ZNF26: variants seen among roughly 807,000 people sequenced by gnomAD.
ZNF26 encodes zinc finger protein 26.
In ZNF26, 32 loss-of-function variants were observed where a neutral mutation model predicts 54.9. The ratio of observed to expected loss-of-function variants is 0.58; its 90% CI spans 0.44 to 0.78. The LOEUF (loss-of-function observed/expected upper bound fraction) is 0.78. Ranked by LOEUF, ZNF26 falls within the 30% of genes least tolerant of loss-of-function variation. The pLI is 0.00. For missense variants in ZNF26, 524 were observed against 634.0 expected (o/e 0.83, Z 1.86); for synonymous variants, 221 against 209.2 (o/e 1.06, Z -0.49).
At chr12:132,999,348 C>T (rs376491844) in intron 1 of ZNF26, among the ~76,000 whole-genome samples, 5 of 152,114 alleles carry the variant, frequency 3.3e-5, no homozygotes, top group African/African-American at 1.2e-4. Flanking sequence ...CTCCGCCTCC[C>T]GGGTTCAAGT....
chr12:132,987,924 C>T (rs1952859611), intron 1 of ZNF26, among the ~76,000 whole-genome samples: 1 of 152,218 alleles, frequency 6.6e-6, no homozygotes, highest in Non-Finnish European at 1.5e-5. Context: ...TATTTCTGGG[C>T]TCTTTATTGA....
At position 133,016,424 on chromosome 12, in the gene ZNF26, T is replaced by TA. The variant is rs1953567575; in HGVS notation, c.*4945dup. ...TTTAGCTACTTTTTTTTTTTTTTTT[T>TA]AACTATTTTAAGAGCATCACAGTAA... On this transcript the variant is annotated 3_prime_UTR_variant, in exon 4 of 4. Transcript: ENST00000328654. The TA allele has an allele frequency of 1.3e-5, 2 of 150,006 alleles. No individual in the cohort carries two copies. Among genetic ancestry groups the TA allele is most frequent in the African/African-American group, 2.5e-5 (1 of 40,692 alleles). The allele number at this position is 150,006 out of a possible 1,614,324, so 9.3% of individuals were successfully genotyped here.
At position 133,026,749 on chromosome 12, in the gene ZNF26, ACTC is replaced by A. The variant is rs1228495795; in HGVS notation, c.*15271_*15273del. 1 of 151,158 alleles carries A rather than the reference ACTC, an allele frequency of 6.6e-6. No individual in the cohort carries two copies. The highest frequency in any genetic ancestry group is 1.5e-5 in the Non-Finnish European group (1 of 67,862). The allele number at this position is 151,158 out of a possible 1,614,324, so 9.4% of individuals were successfully genotyped here. On this transcript the variant is annotated 3_prime_UTR_variant, in exon 4 of 4. Transcript: ENST00000328654. ...ACCATGTTGACTAGGCTGGTCTCGAACTCCTGACCTCAGGTGATCTGCCCGCCT... is the reference window on the plus strand; with the variant it reads ...ACCATGTTGACTAGGCTGGTCTCGAACTGACCTCAGGTGATCTGCCCGCCT...
chr12:133,023,659 C>T lies in ZNF26; in HGVS notation c.*12178C>T, dbSNP rs1277635682. 1.3e-5 allele frequency: 2 copies of T among 152,226 alleles called. No individual in the cohort carries two copies. The highest frequency in any genetic ancestry group is 4.8e-5 in the African/African-American group (2 of 41,470). The allele number at this position is 152,226 out of a possible 1,614,324, so 9.4% of individuals were successfully genotyped here. On this transcript the variant is annotated 3_prime_UTR_variant, in exon 4 of 4. Transcript: ENST00000328654. The stretch of plus-strand genomic sequence containing the variant: ...AGTGGGCTATGACAGTAGCTTCCAT[C>T]TCATCTCCTCTTCTACAGTGTGATC...
intron 1 of ZNF26, among the ~76,000 whole-genome samples, chr12:132,988,777 A>G (rs1437506911): frequency 7.2e-5 from 11 of 152,052 alleles, no homozygotes; most frequent in African/African-American, 2.2e-4. Flanking sequence ...ATATCTCTCT[A>G]TCTAGTTCTT....
chr12:132,998,365 C>T (rs1442638130), intron 1 of ZNF26, among the ~76,000 whole-genome samples: 1 of 152,090 alleles, frequency 6.6e-6, no homozygotes, highest in African/African-American at 2.4e-5. Context: ...TAGGGTTTCA[C>T]CATGTTGGTC....
rs1444183820 is a variant in ZNF26 at position 133,026,619 on chromosome 12, A to G, written c.*15138A>G. 2 of 146,620 alleles carry G rather than the reference A, an allele frequency of 1.4e-5. No individual in the cohort carries two copies. Among genetic ancestry groups the G allele is most frequent in the African/African-American group, 5.2e-5 (2 of 38,596 alleles). The allele number at this position is 146,620 out of a possible 1,614,324, so 9.1% of individuals were successfully genotyped here. On this transcript the variant is annotated 3_prime_UTR_variant, in exon 4 of 4. Coordinates refer to ENST00000328654, the MANE Select transcript of ZNF26 (RefSeq NM_019591.4). Reference sequence around the variant, plus strand: ...TCAGCTCATGGCAACCTCCGCCTCCAAGGTTCAAGTGATTATCATGCCTCA... The same window carrying G: ...TCAGCTCATGGCAACCTCCGCCTCCGAGGTTCAAGTGATTATCATGCCTCA...
At position 133,022,641 on chromosome 12, in the gene ZNF26, A is replaced by G. The variant is rs1953659073; in HGVS notation, c.*11160A>G. On this transcript the variant is annotated 3_prime_UTR_variant, in exon 4 of 4. Transcript: ENST00000328654. ...GTATACTCTAGGTGAAACTATCTCA[A>G]TACAAATTTAATTAAAACAAAATAA... 1 of 151,938 alleles carries G rather than the reference A, an allele frequency of 6.6e-6. No homozygotes were observed. The highest frequency in any genetic ancestry group is 1.5e-5 in the Non-Finnish European group (1 of 68,040). The allele number at this position is 151,938 out of a possible 1,614,324, so 9.4% of individuals were successfully genotyped here. A position where few individuals can be genotyped will look rare whatever the true frequency, so the allele number is the denominator to read the frequency against.
chr12:133,007,484 GA>G lies in ZNF26; in HGVS notation c.210del (p.Asp71IlefsTer4). 6.2e-7 allele frequency: 1 copy of G among 1,613,996 alleles called. No homozygotes were observed. Among genetic ancestry groups the G allele is most frequent in the Non-Finnish European group, 8.5e-7 (1 of 1,179,942 alleles). ...CTTAATCTTCAAGTTGGAACAAGGA[GA>G]AGATCCATGGATAATAAATGCCAAA... ...PDLIFKLEQG[E>X]DPWIINAKIS... On this transcript the variant is annotated frameshift_variant, in exon 3 of 4. Transcript: ENST00000328654. LOFTEE classifies it high-confidence loss of function.
intron 1 of ZNF26, chr12:132,987,864 T>A: frequency 3.2e-6 from 1 of 316,860 alleles, no homozygotes; most frequent in Admixed American, 6.5e-5. Context: ...TTTCTCCCCC[T>A]GTGAGTTTGT....
chr12:132,990,023 TC>T (rs1952913177), intron 1 of ZNF26, among the ~76,000 whole-genome samples: 1 of 152,142 alleles, frequency 6.6e-6, no homozygotes, highest in African/African-American at 2.4e-5. Flanking sequence ...CAGATGTGGC[TC>T]ACACCTGTAA....
intron 1 of ZNF26, among the ~76,000 whole-genome samples, chr12:132,991,630 C>CAA (rs1296804934): frequency 2.9e-5 from 2 of 68,132 alleles, no homozygotes; most frequent in African/African-American, 6.5e-5. Flanking sequence ...ACAACAACAA[C>CAA]AAAAAAAAAA....
intron 1 of ZNF26, among the ~76,000 whole-genome samples, chr12:132,989,226 AT>A (rs1952895477): frequency 1.3e-5 from 2 of 151,918 alleles, no homozygotes; most frequent in African/African-American, 4.8e-5. Context: ...TTTAGTAGAA[AT>A]GGAGTTTCAC....
At position 133,010,591 on chromosome 12, in the gene ZNF26, GTCT is replaced by G; in HGVS notation, c.716_718del (p.Phe239del). ...CTACTCATGTAGTGAGTGCGAGAAG[GTCT>G]TCTCTTTCAGGTCACAGCTCATTGT... On this transcript the variant is annotated inframe_deletion, in exon 4 of 4. Coordinates refer to ENST00000328654, the MANE Select transcript of ZNF26 (RefSeq NM_019591.4). 6.2e-7 allele frequency: 1 copy of G among 1,614,152 alleles called. No homozygotes were observed. The highest frequency in any genetic ancestry group is 8.5e-7 in the Non-Finnish European group (1 of 1,180,036).
Position 133,012,578 on chromosome 12 carries a change from GTTTTTTTTTTTTTTTTTTT to G in ZNF26, c.*1110_*1128del, listed in dbSNP as rs1193864973. The G allele has an allele frequency of 1.6e-4, 6 of 37,652 alleles. No homozygotes were observed. The highest frequency in any genetic ancestry group is 2.4e-4 in the Non-Finnish European group (5 of 20,650). The allele number at this position is 37,652 out of a possible 1,614,324, so 2.3% of individuals were successfully genotyped here. A position where few individuals can be genotyped will look rare whatever the true frequency, so the allele number is the denominator to read the frequency against. On this transcript the variant is annotated 3_prime_UTR_variant, in exon 4 of 4. Coordinates refer to ENST00000328654, the MANE Select transcript of ZNF26 (RefSeq NM_019591.4). ...ATGTCTTTTGCTTTTTGTTGTTTGG[GTTTTTTTTTTTTTTTTTTT>G]TTTTTTTTTTTTGAGACTAAGTTTC...
At chr12:133,006,299 C>A in intron 1 of ZNF26, 4 of 985,470 alleles carry the variant, frequency 4.1e-6, no homozygotes, top group Non-Finnish European at 4.8e-6. Context: ...TCCCCCTGTT[C>A]TCAGCTGAAC....
rs67278075 is a variant in ZNF26 at position 133,015,353 on chromosome 12, CA to C, written c.*3889del. 1.4e-3 allele frequency: 133 copies of C among 98,408 alleles called. No homozygotes were observed. The highest frequency in any genetic ancestry group is 1.6e-3 in the Non-Finnish European group (83 of 51,012). 6.1% of individuals were successfully genotyped at this position (98,408 alleles called of 1,614,324 possible). Reference sequence around the variant, plus strand: ...TGGGTGACAGAGTGAGACTCTGTCTCAAAAAAAAAAAAAAAAAGAAAAGAAA... The same window carrying C: ...TGGGTGACAGAGTGAGACTCTGTCTCAAAAAAAAAAAAAAAAGAAAAGAAA... On this transcript the variant is annotated 3_prime_UTR_variant, in exon 4 of 4. Coordinates refer to ENST00000328654, the MANE Select transcript of ZNF26 (RefSeq NM_019591.4).
At chr12:133,003,915 T>A (rs1953272242) in intron 1 of ZNF26, among the ~76,000 whole-genome samples, 1 of 152,228 alleles carries the variant, frequency 6.6e-6, no homozygotes, top group Non-Finnish European at 1.5e-5. Context: ...GAAATGCCTT[T>A]AGTTTAAGTC....
Position 133,011,854 on chromosome 12 carries a change from T to G in ZNF26, c.*373T>G, listed in dbSNP as rs1050876611. On this transcript the variant is annotated 3_prime_UTR_variant, in exon 4 of 4. Transcript: ENST00000328654. ...GTGTTTTTGTAAAATAAAATCTTGGTATGAACAGTTGACTTCATGGTGGAG... is the reference window on the plus strand; with the variant it reads ...GTGTTTTTGTAAAATAAAATCTTGGGATGAACAGTTGACTTCATGGTGGAG... 3 of 159,896 alleles carry G rather than the reference T, an allele frequency of 1.9e-5. No individual in the cohort carries two copies. Among genetic ancestry groups the G allele is most frequent in the African/African-American group, 7.2e-5 (3 of 41,582 alleles). The allele number at this position is 159,896 out of a possible 1,614,324, so 9.9% of individuals were successfully genotyped here.
Sources: gnomAD v4.1 joint callset for allele counts (sites outside exome capture counted in the v4.1 genomes callset) on GRCh38, gnomAD v4.1.1 for gene constraint, MANE v1.5 for transcripts, NCBI Gene and HGNC (gene_info 2026-07-23, HGNC 2026-07-21) for gene names.